The following DNASE1 variants were observed in gnomAD, a reference collection of about 807,000 sequenced individuals.
DNASE1 encodes deoxyribonuclease 1.
Under a neutral mutation model 33.9 loss-of-function variants are expected in DNASE1, and 40 were observed. The observed-to-expected ratio is 1.18, with a 90% CI of 0.92 to 1.54. The LOEUF is 1.54. Among genes scored for constraint, DNASE1 ranks in the 40% most tolerant of loss-of-function variants. DNASE1 has a pLI of 0.00. For synonymous variants in DNASE1, 216 were observed against 160.0 expected (o/e 1.35, Z -2.64); for missense variants, 518 against 372.6 (o/e 1.39, Z -3.21).
downstream of DNASE1, chr16:3,658,847 CT>C: frequency 6.2e-7 from 1 of 1,614,080 alleles, no homozygotes; most frequent in South Asian, 1.1e-5. Context: ...GCTGATTCAG[CT>C]TCTTGATGAG....
At chr16:3,636,229 G>C (rs2151184855) in intron 1 of DNASE1, among the ~76,000 whole-genome samples, 1 of 146,814 alleles carries the variant, frequency 6.8e-6, no homozygotes, top group African/African-American at 2.6e-5. Context: ...ATCCATCAAA[G>C]GCATTCTTCA....
downstream of DNASE1, chr16:3,658,919 T>C: frequency 6.4e-7 from 1 of 1,573,070 alleles, no homozygotes; most frequent in South Asian, 1.1e-5. Context: ...GCTGTGACCC[T>C]CCCTTCATGT....
At chr16:3,662,723 C>T, downstream of DNASE1, 1 of 725,782 alleles carries the variant, frequency 1.4e-6, no homozygotes, top group South Asian at 1.5e-5. Flanking sequence ...TCCCGAGCAA[C>T]ACGTGCCGAG....
rs552233717 is a variant in DNASE1, at chr16:3,663,818, A to G, written c.*5865A>G. On this transcript the variant is annotated 3_prime_UTR_variant, in exon 10 of 10. Transcript: ENST00000407479. ...GCTGAGTGCAGTGGCTCACGCCTGT[A>G]ATCCCAGCACTTTGGGAGGCCAAAG... 6.1e-6 allele frequency: 3 copies of G among 493,180 alleles called. No individual in the cohort carries two copies. In the East Asian group the frequency reaches 1.1e-4, roughly 18 times the overall value. The allele number at this position is 493,180 out of a possible 1,614,324, so 30.6% of individuals were successfully genotyped here.
At chr16:3,657,394 G>A (rs1345214780) in intron 7 of DNASE1, 53 bp downstream of exon 7, 9 of 1,600,876 alleles carry the variant, frequency 5.6e-6, no homozygotes, top group Admixed American at 3.3e-5. Flanking sequence ...AAGGGCAGCC[G>A]TGACTCATAG....
At chr16:3,648,901 AC>A (rs1484107227) in intron 1 of DNASE1, among the ~76,000 whole-genome samples, 1 of 152,194 alleles carries the variant, frequency 6.6e-6, no homozygotes, top group African/African-American at 2.4e-5. Flanking sequence ...CAAAATGTGA[AC>A]TTTTTTTAAC....
chr16:3,627,970 G>T (rs1342318722), intron 1 of DNASE1, among the ~76,000 whole-genome samples: 1 of 148,672 alleles, frequency 6.7e-6, no homozygotes, highest in Admixed American at 6.7e-5. Context: ...AAGTCATTGG[G>T]ATTTTGCTTC....
chr16:3,616,647 A>C lies in DNASE1; in HGVS notation c.-1359+4641A>C, dbSNP rs142801111. Among the ~76,000 whole-genome samples, 13 of 135,214 alleles carry C rather than the reference A, an allele frequency of 9.6e-5. No homozygotes were observed. In the East Asian group the frequency reaches 2.6e-3, roughly 27 times the overall value. The allele number at this position is 135,214 out of a possible 152,430, so 88.7% of individuals were successfully genotyped here. On this transcript the variant is annotated intron_variant and NMD_transcript_variant, in intron 1 of 11. Transcript: ENST00000570769. ...AATAAATAAATTAAATAAATAAATA[A>C]ATAAATTCATATGTAATTGCAAGGG...
chr16:3,633,332 C>T (rs901789930), intron 1 of DNASE1, among the ~76,000 whole-genome samples: 6 of 152,234 alleles, frequency 3.9e-5, no homozygotes, highest in Admixed American at 6.5e-5. Flanking sequence ...CTTGGCTGGG[C>T]GCAGTGGCCC....
At chr16:3,645,231 C>T (rs529187730) in intron 1 of DNASE1, among the ~76,000 whole-genome samples, 5 of 152,188 alleles carry the variant, frequency 3.3e-5, no homozygotes, top group South Asian at 4.1e-4. Flanking sequence ...ACCCTGAGGG[C>T]GCCCTCCCTT....
At chr16:3,632,470 C>CT (rs1440620529) in intron 1 of DNASE1, among the ~76,000 whole-genome samples, 3 of 152,152 alleles carry the variant, frequency 2.0e-5, no homozygotes, top group Non-Finnish European at 4.4e-5. Context: ...TGTCCTTTTT[C>CT]TATCCCTGAT....
rs8175352 is a variant in DNASE1 at position 3,657,204 on chromosome 16, C to T, written c.567C>T (p.Gly189=). ...CCTGGTAGGACGTCATGTTGATGGG[C>T]GACTTCAATGCGGGCTGCAGCTATG... ...KWGLEDVMLM[G]DFNAGCSYVR... is the part of the protein sequence containing the mutation. Residue 189 remains glycine, a synonymous_variant, in exon 7 of 9, where the codon GGC becomes GGT. Coordinates refer to ENST00000246949, the MANE Select transcript of DNASE1 (RefSeq NM_005223.4). 3,625 of 1,614,026 alleles carry T rather than the reference C, an allele frequency of 2.2e-3. 15 individuals are homozygous for T. The highest frequency in any genetic ancestry group is 2.8e-3 in the Non-Finnish European group (3,331 of 1,180,008).
intron 1 of DNASE1, among the ~76,000 whole-genome samples, chr16:3,645,704 G>C (rs571753321): frequency 7.0e-4 from 106 of 152,348 alleles, no homozygotes; most frequent in Non-Finnish European, 1.3e-3. Flanking sequence ...TCTGCTGCCT[G>C]CTGCCTGCTG....
Position 3,616,394 on chromosome 16 carries a change from G to A in DNASE1, c.-1359+4388G>A, listed in dbSNP as rs140143204. 9.1e-3 allele frequency among the ~76,000 whole-genome samples: 1,384 copies of A among 152,304 alleles called. 26 individuals carry two copies. The highest frequency in any genetic ancestry group is 0.032 in the African/African-American group (1,321 of 41,554). On this transcript the variant is annotated intron_variant and NMD_transcript_variant, in intron 1 of 11. Coordinates refer to the DNASE1 transcript ENST00000570769. ...CCGGCATTTTGGGAGTCTGAGTCAG[G>A]CAGATCACTTGAGGTCAGGAGTTCG...
intron 1 of DNASE1, among the ~76,000 whole-genome samples, chr16:3,618,388 A>G (rs1047940234): frequency 1.3e-5 from 2 of 152,234 alleles, no homozygotes; most frequent in African/African-American, 4.8e-5. Context: ...TAAAATCATC[A>G]TATGATTCAG....
intron 1 of DNASE1, among the ~76,000 whole-genome samples, chr16:3,646,468 C>T (rs2042175359): frequency 6.6e-6 from 1 of 151,882 alleles, no homozygotes; most frequent in Admixed American, 6.6e-5. Context: ...TATGGGCCGG[C>T]AGAGATGAAC....
chr16:3,663,339 C>T (rs1281535480), exon 10 of DNASE1: 19 of 1,567,816 alleles, frequency 1.2e-5, no homozygotes, highest in African/African-American at 2.7e-5. Flanking sequence ...CTGACGAAAA[C>T]CCAAAGGAAG....
chr16:3,662,825 G>T, downstream of DNASE1: 1 of 1,567,532 alleles, frequency 6.4e-7, no homozygotes, highest in South Asian at 1.1e-5. Context: ...CCACCAGCTG[G>T]CCAGCCTGTT....
intron 1 of DNASE1, among the ~76,000 whole-genome samples, chr16:3,627,383 C>G (rs1596573331): frequency 6.6e-6 from 1 of 152,060 alleles, no homozygotes; most frequent in Admixed American, 6.6e-5. Flanking sequence ...AAGCCATCCT[C>G]CCACCTAAGC....
Sources: allele counts gnomAD v4.1 joint callset (sites outside exome capture counted in the v4.1 genomes callset), GRCh38; gene constraint gnomAD v4.1.1; transcripts MANE v1.5; gene names NCBI Gene and HGNC (gene_info 2026-07-23, HGNC 2026-07-21).